ENTREP2: variants seen among roughly 807,000 people sequenced by gnomAD.
ENTREP2 encodes protein ENTREP2.
At chr15:29,179,742 G>T in the ENTREP2 span, among the ~76,000 whole-genome samples, 1 of 117,730 alleles carries the variant, frequency 8.5e-6, no homozygotes, top group East Asian at 2.9e-4. Context: ...CATCACGCCC[G>T]GCTAATTTTT....
chr15:29,292,757 T>C, the ENTREP2 span, among the ~76,000 whole-genome samples: 1 of 152,202 alleles, frequency 6.6e-6, no homozygotes, highest in African/African-American at 2.4e-5. Context: ...GGAAAATTTA[T>C]AAGGTCTCCA....
At chr15:29,141,826 C>T in the ENTREP2 span, among the ~76,000 whole-genome samples, 41,770 of 152,160 alleles carry the variant, frequency 0.27, 7,394 homozygotes, top group Non-Finnish European at 0.39. Context: ...TCCCGCTCTG[C>T]GCTCCAGACC....
At chr15:29,140,636 C>G in the ENTREP2 span, among the ~76,000 whole-genome samples, 1 of 152,194 alleles carries the variant, frequency 6.6e-6, no homozygotes, top group Non-Finnish European at 1.5e-5. Context: ...TCCCTTTCAC[C>G]TGGCGCCTCC....
the ENTREP2 span, among the ~76,000 whole-genome samples, chr15:29,209,844 C>A: frequency 6.6e-6 from 1 of 152,266 alleles, no homozygotes; most frequent in South Asian, 2.1e-4. Flanking sequence ...CTGTCACCCC[C>A]TCAGAGCACA....
the ENTREP2 span, among the ~76,000 whole-genome samples, chr15:29,525,480 A>G: frequency 0.011 from 1,605 of 152,332 alleles, 9 homozygotes; most frequent in Non-Finnish European, 0.016. Context: ...AAGAAAATAG[A>G]CCACTACCAA....
chr15:29,444,196 A>C, the ENTREP2 span, among the ~76,000 whole-genome samples: 731 of 142,408 alleles, frequency 5.1e-3, 15 homozygotes, highest in African/African-American at 0.014. Flanking sequence ...GAAAGAAAGA[A>C]AGAAAGAAAG....
At chr15:29,315,893 T>C in the ENTREP2 span, among the ~76,000 whole-genome samples, 8 of 151,532 alleles carry the variant, frequency 5.3e-5, no homozygotes, top group South Asian at 1.7e-3. Flanking sequence ...GCTGGAACAA[T>C]GTGCAAGGTA....
At chr15:29,154,200 G>A in the ENTREP2 span, among the ~76,000 whole-genome samples, 1 of 152,132 alleles carries the variant, frequency 6.6e-6, no homozygotes, top group Non-Finnish European at 1.5e-5. Context: ...TTTCTGTGTA[G>A]ACAATCAGGC....
At chr15:29,415,343 C>G in the ENTREP2 span, among the ~76,000 whole-genome samples, 1 of 152,164 alleles carries the variant, frequency 6.6e-6, no homozygotes, top group African/African-American at 2.4e-5. Context: ...AAGGCTGGTT[C>G]AACAAGTGAA....
At chr15:29,124,561 G>A in the ENTREP2 span, 1 of 721,944 alleles carries the variant, frequency 1.4e-6, no homozygotes, top group South Asian at 1.8e-5. Flanking sequence ...CAGACAGTGG[G>A]CAGCCCCCAT....
the ENTREP2 span, among the ~76,000 whole-genome samples, chr15:29,343,780 G>C: frequency 6.6e-6 from 1 of 152,072 alleles, no homozygotes; most frequent in Admixed American, 6.5e-5. Context: ...ACTTTAAGCC[G>C]TGTAAATATC....
At chr15:29,235,916 T>C in the ENTREP2 span, among the ~76,000 whole-genome samples, 7 of 152,136 alleles carry the variant, frequency 4.6e-5, no homozygotes, top group Middle Eastern at 6.8e-3. Context: ...TGAGCCGAGA[T>C]TGAGCCACTG....
chr15:29,328,507 C>T, the ENTREP2 span, among the ~76,000 whole-genome samples: 1 of 152,130 alleles, frequency 6.6e-6, no homozygotes, highest in Non-Finnish European at 1.5e-5. Flanking sequence ...AACAACCTCA[C>T]TGAAAGGGGT....
the ENTREP2 span, among the ~76,000 whole-genome samples, chr15:29,186,646 A>C: frequency 1.3e-5 from 2 of 152,188 alleles, no homozygotes; most frequent in Non-Finnish European, 2.9e-5. Context: ...TACCACCGGC[A>C]CCATAGGTGA....
At chr15:29,664,515 T>C in the ENTREP2 span, among the ~76,000 whole-genome samples, 1 of 151,708 alleles carries the variant, frequency 6.6e-6, no homozygotes, top group Non-Finnish European at 1.5e-5. Flanking sequence ...ATGCCGACGC[T>C]GGGAGACTCG....
At chr15:29,262,698 T>C in the ENTREP2 span, among the ~76,000 whole-genome samples, 1 of 152,226 alleles carries the variant, frequency 6.6e-6, no homozygotes, top group Non-Finnish European at 1.5e-5. Flanking sequence ...TTCCCTGAGT[T>C]GTGTGGACTG....
At chr15:29,423,241 C>T in the ENTREP2 span, among the ~76,000 whole-genome samples, 1 of 152,128 alleles carries the variant, frequency 6.6e-6, no homozygotes, top group African/African-American at 2.4e-5. Flanking sequence ...CAGTTGTTTA[C>T]TATACATGTT....
the ENTREP2 span, among the ~76,000 whole-genome samples, chr15:29,463,596 AT>A: frequency 1.5e-4 from 23 of 151,866 alleles, no homozygotes; most frequent in African/African-American, 4.3e-4. Context: ...CAAGTTTTTG[AT>A]TTTTTTTTCC....
the ENTREP2 span, among the ~76,000 whole-genome samples, chr15:29,211,562 C>CG: frequency 6.6e-6 from 1 of 152,218 alleles, no homozygotes; most frequent in Admixed American, 6.5e-5. Context: ...TTCCAGTTCT[C>CG]AGAGGGGATG....
Sources: gnomAD v4.1 joint callset for allele counts (sites outside exome capture counted in the v4.1 genomes callset) on GRCh38, gnomAD v4.1.1 for gene constraint, MANE v1.5 for transcripts, NCBI Gene and HGNC (gene_info 2026-07-23, HGNC 2026-07-21) for gene names.